Variants in DNAJC17 observed in about 807,000 individuals in gnomAD.
The protein encoded by DNAJC17 is DnaJ heat shock protein family (Hsp40) member C17.
DNAJC17 carries 35 observed loss-of-function variants against 48.1 expected under a neutral mutation model. The ratio of observed to expected loss-of-function variants is 0.73; its 90% CI spans 0.56 to 0.96. The LOEUF (loss-of-function observed/expected upper bound fraction) is 0.96, where lower values mean the gene tolerates loss of function less well. DNAJC17 is among the 50% of genes least tolerant of loss of function. DNAJC17 has a pLI of 0.00. For synonymous variants in DNAJC17, 117 were observed against 142.7 expected (o/e 0.82, Z 1.28); for missense variants, 355 against 377.1 (o/e 0.94, Z 0.48).
chr15:40,787,681 C>T (rs1189257735), intron 1 of DNAJC17, among the ~76,000 whole-genome samples: 1 of 152,160 alleles, frequency 6.6e-6, no homozygotes, highest in Non-Finnish European at 1.5e-5. Context: ...AACCTGAACC[C>T]AGAGCAGGGG....
chr15:40,768,618 G>T (rs1468426885), intron 10 of DNAJC17, among the ~76,000 whole-genome samples: 1 of 152,192 alleles, frequency 6.6e-6, no homozygotes, highest in Non-Finnish European at 1.5e-5. Context: ...GCAAGCATGA[G>T]GCCAGCGTGC....
At chr15:40,772,309 C>A (rs1198770272) in intron 10 of DNAJC17, 1 of 167,130 alleles carries the variant, frequency 6.0e-6, no homozygotes, top group African/African-American at 2.4e-5. Flanking sequence ...CCCCGGGACT[C>A]GCTAAGAGTA....
chr15:40,792,318 A>G (rs1178500317), intron 1 of DNAJC17: 1 of 334,566 alleles, frequency 3.0e-6, no homozygotes, highest in African/African-American at 2.2e-5. Flanking sequence ...TTTATATGCT[A>G]TAATATAACC....
In DNAJC17 at chr15:40,765,972, C is replaced by CCT. The variant is rs780906779; in HGVS notation, c.*1966_*1967dup. ...CTCTCCCTGCCAGCCCCTAGACCTG[C>CCT]CTCTGCTCCCTTTATACAACCTCCA... On this transcript the variant is annotated 3_prime_UTR_variant, in exon 11 of 11. Coordinates refer to ENST00000220496, the MANE Select transcript of DNAJC17 (RefSeq NM_018163.3). 29 of 904,542 alleles carry CCT rather than the reference C, an allele frequency of 3.2e-5. No individual in the cohort carries two copies. Among genetic ancestry groups the CCT allele is most frequent in the Middle Eastern group, 2.2e-4 (1 of 4,462 alleles). The allele number at this position is 904,542 out of a possible 1,614,324, so 56.0% of individuals were successfully genotyped here. A position where few individuals can be genotyped will look rare whatever the true frequency, so the allele number is the denominator to read the frequency against.
intron 1 of DNAJC17, among the ~76,000 whole-genome samples, chr15:40,788,435 G>A (rs192458927): frequency 6.6e-6 from 1 of 152,280 alleles, no homozygotes; most frequent in East Asian, 1.9e-4. Flanking sequence ...GGTGGCTCAC[G>A]CCTGTAATCC....
intron 1 of DNAJC17, among the ~76,000 whole-genome samples, chr15:40,792,945 AG>A (rs1300889685): frequency 4.4e-5 from 6 of 137,428 alleles, no homozygotes; most frequent in South Asian, 4.5e-4. Flanking sequence ...CCCAGGCTGG[AG>A]TGCATGGCAC....
intron 10 of DNAJC17, among the ~76,000 whole-genome samples, chr15:40,772,896 A>T (rs8031526): frequency 0.048 from 7,243 of 151,670 alleles, 379 homozygotes; most frequent in African/African-American, 0.13. Context: ...CGCTTCACCC[A>T]GGCAGGGCAC....
rs754417572 is a variant in DNAJC17, at chr15:40,767,351, C to G, written c.*589G>C. On this transcript the variant is annotated 3_prime_UTR_variant, in exon 11 of 11. Coordinates refer to ENST00000220496, the MANE Select transcript of DNAJC17 (RefSeq NM_018163.3). ...GTGTGGTGTCTGCACAAGGAGTGAC[C>G]TTCTCATGCTGATTTGCAGACGGGG... 5 of 1,594,580 alleles carry G rather than the reference C, an allele frequency of 3.1e-6. No individual in the cohort carries two copies. The South Asian group carries it at 4.5e-5, about 14-fold the overall frequency.
intron 1 of DNAJC17, among the ~76,000 whole-genome samples, chr15:40,783,683 G>A (rs572081185): frequency 2.6e-5 from 4 of 152,244 alleles, no homozygotes; most frequent in African/African-American, 9.6e-5. Context: ...GGCCAACATG[G>A]TGAAACTTGT....
At chr15:40,804,817 C>T (rs1217847363) in intron 1 of DNAJC17, among the ~76,000 whole-genome samples, 8 of 151,996 alleles carry the variant, frequency 5.3e-5, no homozygotes, top group African/African-American at 1.9e-4. Flanking sequence ...GCCTGACCAA[C>T]ATGGTGAAAC....
At chr15:40,786,052 A>G (rs1566826499) in intron 1 of DNAJC17, among the ~76,000 whole-genome samples, 1 of 152,236 alleles carries the variant, frequency 6.6e-6, no homozygotes, top group Non-Finnish European at 1.5e-5. Context: ...AGCTTTGTCC[A>G]GCCCTCCTGG....
chr15:40,775,378 T>A, intron 7 of DNAJC17, 175 bp downstream of exon 7: 1 of 807,002 alleles, frequency 1.2e-6, no homozygotes, highest in Non-Finnish European at 2.0e-6. Flanking sequence ...AAGCAGCCTT[T>A]CGTGGCAAGC....
chr15:40,765,895 A>G lies in DNAJC17; in HGVS notation c.*2045T>C. ...AGCTGATGCAGCATCTGGGGGCTTC[A>G]AAGAGAAGAGCCTTGGGAAACAACT... On this transcript the variant is annotated 3_prime_UTR_variant, in exon 11 of 11. Transcript: ENST00000220496. The G allele has an allele frequency of 6.3e-7, 1 of 1,578,692 alleles. No homozygotes were observed. Among genetic ancestry groups the G allele is most frequent in the Non-Finnish European group, 8.6e-7 (1 of 1,156,274 alleles).
At position 40,775,127 on chromosome 15, in the gene DNAJC17, G is replaced by A; in HGVS notation, c.523-19C>T. The A allele has an allele frequency of 6.2e-7, 1 of 1,613,744 alleles. No homozygotes were observed. Among genetic ancestry groups the A allele is most frequent in the Non-Finnish European group, 8.5e-7 (1 of 1,179,726 alleles). ...ATTTTAGCTGAAAAGAGAGCCTCAT[G>A]AAACACTGATTCTTGGCTGAACAGT... On this transcript the variant is annotated intron_variant, in intron 7 of 10. Transcript: ENST00000220496.
chr15:40,804,130 CT>C (rs138636860), intron 1 of DNAJC17, among the ~76,000 whole-genome samples: 24 of 146,960 alleles, frequency 1.6e-4, no homozygotes, highest in Admixed American at 3.4e-4. Flanking sequence ...CCCTGCCCAG[CT>C]TTTTTTTTTA....
chr15:40,800,776 G>A (rs1035754781), intron 1 of DNAJC17, among the ~76,000 whole-genome samples: 15 of 151,794 alleles, frequency 9.9e-5, no homozygotes, highest in Non-Finnish European at 1.8e-4. Context: ...CAGGCCAAGA[G>A]AGTGAAACCA....
chr15:40,797,550 T>A (rs1309137860), intron 1 of DNAJC17, among the ~76,000 whole-genome samples: 1 of 151,134 alleles, frequency 6.6e-6, no homozygotes, highest in Non-Finnish European at 1.5e-5. Context: ...GCAGCTGGGA[T>A]TACAGGCACC....
At chr15:40,795,783 T>C (rs1274120061) in intron 1 of DNAJC17, among the ~76,000 whole-genome samples, 3 of 151,990 alleles carry the variant, frequency 2.0e-5, no homozygotes, top group Non-Finnish European at 4.4e-5. Flanking sequence ...TAGTCCCAGG[T>C]TGTGAGGCTG....
In DNAJC17 at chr15:40,770,111, A is replaced by G. The variant is rs1889085777; in HGVS notation, c.793-2049T>C. The stretch of plus-strand genomic sequence containing the variant: ...GGGCCATCTGCTGCCTGCCTGTGGA[A>G]GGAGCGCTCGCCAGCCTCACCCAGC... On this transcript the variant is annotated intron_variant, in intron 10 of 10. Transcript: ENST00000220496. This position sits in a 1 kb window ranked among gnomAD's most constrained non-coding sequence, Gnocchi z 5.0. The G allele has an allele frequency of 9.8e-6, 2 of 204,890 alleles. No individual in the cohort carries two copies. Among genetic ancestry groups the G allele is most frequent in the South Asian group, 9.3e-5 (1 of 10,742 alleles). 12.7% of individuals were successfully genotyped at this position (204,890 alleles called of 1,614,324 possible).
Sources: allele counts gnomAD v4.1 joint callset (sites outside exome capture counted in the v4.1 genomes callset), GRCh38; gene constraint gnomAD v4.1.1; non-coding constraint Gnocchi (gnomAD v3.1); transcripts MANE v1.5; gene names NCBI Gene and HGNC (gene_info 2026-07-23, HGNC 2026-07-21).